The following GLYATL3 variants were observed in gnomAD, a reference collection of about 807,000 sequenced individuals.
GLYATL3 encodes the protein glycine N-acyltransferase-like protein 3.
Under a neutral mutation model 28.5 loss-of-function variants are expected in GLYATL3, and 31 were observed. That is an observed-to-expected ratio of 1.09 (90% CI 0.82 to 1.47). The LOEUF is 1.47. Among genes scored for constraint, GLYATL3 ranks in the 40% most tolerant of loss-of-function variants. The pLI is 0.00. For synonymous variants in GLYATL3, 141 were observed against 140.2 expected, an observed-to-expected ratio of 1.01 and a Z score of -0.04; for missense variants, 369 against 351.5, an observed-to-expected ratio of 1.05 and a Z score of -0.40.
intron 1 of GLYATL3, among the ~76,000 whole-genome samples, chr6:49,505,917 G>GA (rs1258503656): frequency 6.6e-6 from 1 of 152,230 alleles, no homozygotes; most frequent in African/African-American, 2.4e-5. Flanking sequence ...CAATACGAGA[G>GA]ACTTGTGCCT....
intron 5 of GLYATL3, 74 bp downstream of exon 5, chr6:49,521,845 C>T (rs1581872822): frequency 7.7e-7 from 1 of 1,296,600 alleles, no homozygotes; most frequent in East Asian, 2.5e-5. Flanking sequence ...AACTGGGGTA[C>T]TTAGTATCAC....
chr6:49,508,795 C>A (rs1769063056), intron 1 of GLYATL3, among the ~76,000 whole-genome samples: 1 of 152,062 alleles, frequency 6.6e-6, no homozygotes, highest in Non-Finnish European at 1.5e-5. Flanking sequence ...TAATCAGGAG[C>A]ATTTCATCTT....
chr6:49,527,047 AG>A lies in GLYATL3; in HGVS notation c.*135del. The A allele has an allele frequency of 1.5e-6, 1 of 676,648 alleles. No individual in the cohort carries two copies. Among genetic ancestry groups the A allele is most frequent in the Non-Finnish European group, 2.4e-6 (1 of 414,672 alleles). 41.9% of individuals were successfully genotyped at this position (676,648 alleles called of 1,614,324 possible). A position where few individuals can be genotyped will look rare whatever the true frequency, so the allele number is the denominator to read the frequency against. ...TGGAAAGGGTCTGGAGAATATATAC[AG>A]GATCCACTTGAGAAGCCTTAATTTT... On this transcript the variant is annotated 3_prime_UTR_variant, in exon 6 of 6. Transcript: ENST00000371197.
At chr6:49,522,325 A>C (rs1769330186) in intron 5 of GLYATL3, among the ~76,000 whole-genome samples, 1 of 152,192 alleles carries the variant, frequency 6.6e-6, no homozygotes, top group Non-Finnish European at 1.5e-5. Context: ...TTATAGAGCC[A>C]AGAAAGAATC....
chr6:49,522,446 C>T (rs1769332414), intron 5 of GLYATL3, among the ~76,000 whole-genome samples: 1 of 152,170 alleles, frequency 6.6e-6, no homozygotes, highest in Non-Finnish European at 1.5e-5. Context: ...TTCTGAGTCT[C>T]AATTTCTTCT....
intron 1 of GLYATL3, among the ~76,000 whole-genome samples, chr6:49,502,965 C>T (rs772994483): frequency 1.3e-5 from 2 of 152,176 alleles, no homozygotes; most frequent in Non-Finnish European, 2.9e-5. Context: ...CAAGTAACAA[C>T]TAACACATGT....
At chr6:49,511,495 C>T (rs888836118) in intron 1 of GLYATL3, among the ~76,000 whole-genome samples, 1 of 152,066 alleles carries the variant, frequency 6.6e-6, no homozygotes, top group African/African-American at 2.4e-5. Context: ...AGGTTCTTAC[C>T]CTGAGCTTCA....
At chr6:49,503,138 T>C (rs1035448931) in intron 1 of GLYATL3, among the ~76,000 whole-genome samples, 9 of 151,098 alleles carry the variant, frequency 6.0e-5, no homozygotes, top group Non-Finnish European at 1.2e-4. Context: ...GGGAATAGGT[T>C]GTATGAGAGG....
At chr6:49,517,602 CCTT>C (rs1319150978) in intron 4 of GLYATL3, 46 bp downstream of exon 4, 1 of 1,437,282 alleles carries the variant, frequency 7.0e-7, no homozygotes, top group Non-Finnish European at 9.4e-7. Context: ...TTTTTTTCCT[CCTT>C]AGCATATATC....
chr6:49,518,327 G>A (rs1769252671), intron 4 of GLYATL3, among the ~76,000 whole-genome samples: 1 of 152,234 alleles, frequency 6.6e-6, no homozygotes, highest in South Asian at 2.1e-4. Flanking sequence ...TTTATGCCAG[G>A]AGAGAAGAAG....
chr6:49,507,944 G>A, intron 1 of GLYATL3, among the ~76,000 whole-genome samples: 1 of 152,128 alleles, frequency 6.6e-6, no homozygotes, highest in East Asian at 1.9e-4. Context: ...TGGGGATGAA[G>A]TAATTCTTTA....
chr6:49,526,442 C>T (rs1486410036), intron 5 of GLYATL3, 46 bp from the exon 6 acceptor site: 3 of 1,463,788 alleles, frequency 2.0e-6, no homozygotes, highest in Non-Finnish European at 2.8e-6. Context: ...TATGTATAAC[C>T]ACATGAGTCT....
intron 1 of GLYATL3, among the ~76,000 whole-genome samples, chr6:49,500,476 C>A (rs1379450963): frequency 6.6e-6 from 1 of 152,106 alleles, no homozygotes; most frequent in Non-Finnish European, 1.5e-5. Flanking sequence ...AAACAGAGAT[C>A]TTATGTTTTA....
intron 4 of GLYATL3, among the ~76,000 whole-genome samples, chr6:49,517,846 A>G (rs2127237057): frequency 6.6e-6 from 1 of 152,304 alleles, no homozygotes; most frequent in Admixed American, 6.5e-5. Context: ...TTACTGTAAT[A>G]TGGATGGATA....
At chr6:49,502,163 T>G (rs1424451424) in intron 1 of GLYATL3, among the ~76,000 whole-genome samples, 2 of 152,236 alleles carry the variant, frequency 1.3e-5, no homozygotes, top group Admixed American at 6.5e-5. Flanking sequence ...ACCATAGCAA[T>G]CATAGCTTGG....
At chr6:49,515,904 T>G (rs1769207604) in intron 3 of GLYATL3, 144 bp downstream of exon 3, 1 of 608,118 alleles carries the variant, frequency 1.6e-6, no homozygotes, top group African/African-American at 1.9e-5. Flanking sequence ...TTTCTTTCCC[T>G]TCTTTCCTTC....
chr6:49,515,824 G>T (rs1053885606), intron 3 of GLYATL3, 64 bp downstream of exon 3: 3 of 899,854 alleles, frequency 3.3e-6, no homozygotes, highest in African/African-American at 3.3e-5. Context: ...GTAGGTAATG[G>T]TATTTTATAA....
Position 49,517,493 on chromosome 6 carries a change from G to T in GLYATL3, c.250G>T (p.Ala84Ser), listed in dbSNP as rs1315378181. ...AYAVFYKDVR[A>S]YRQLLEECDV... The stretch of plus-strand genomic sequence containing the variant: ...TGCTGTGTTCTACAAGGATGTCAGG[G>T]CTTATCGACAGCTATTGGAAGAATG... The change falls in exon 4 of 6, where the codon GCT becomes TCT. Residue 84 changes from alanine to serine, a missense_variant. Physicochemically the swap from Ala to Ser is moderately conservative, Grantham distance 99. Coordinates refer to ENST00000371197, the MANE Select transcript of GLYATL3 (RefSeq NM_001010904.2). The T allele has an allele frequency of 6.4e-7, 1 of 1,550,528 alleles. No individual in the cohort carries two copies.
At chr6:49,505,166 G>A (rs1237879927) in intron 1 of GLYATL3, among the ~76,000 whole-genome samples, 2 of 152,186 alleles carry the variant, frequency 1.3e-5, no homozygotes, top group African/African-American at 4.8e-5. Context: ...TCAACTTTAT[G>A]ATTACCACTG....
Sources: allele counts gnomAD v4.1 joint callset (sites outside exome capture counted in the v4.1 genomes callset), GRCh38; gene constraint gnomAD v4.1.1; transcripts MANE v1.5; gene names NCBI Gene and HGNC (gene_info 2026-07-23, HGNC 2026-07-21).